C4BPA: variants seen among roughly 807,000 people sequenced by gnomAD.
C4BPA encodes C4b-binding protein alpha chain.
Under a neutral mutation model 63.7 loss-of-function variants are expected in C4BPA, and 31 were observed. The ratio of observed to expected loss-of-function variants is 0.49; its 90% CI spans 0.37 to 0.66. The LOEUF is 0.66. Ranked by LOEUF, C4BPA falls within the 30% of genes least tolerant of loss-of-function variation. The pLI, the probability that C4BPA is intolerant of heterozygous loss-of-function variation, is 0.00. For synonymous variants in C4BPA, 259 were observed against 254.7 expected (o/e 1.02, Z -0.16); for missense variants, 572 against 723.3 (o/e 0.79, Z 2.40).
At chr1:207,124,053 A>T (rs1226479883) in intron 5 of C4BPA, 46 bp downstream of exon 5, 1 of 1,502,804 alleles carries the variant, frequency 6.7e-7, no homozygotes, top group East Asian at 2.3e-5. Context: ...AAACTCTGTT[A>T]GGTAATAAAG....
intron 1 of C4BPA, among the ~76,000 whole-genome samples, chr1:207,111,239 G>C (rs915635044): frequency 1.7e-4 from 26 of 152,326 alleles, no homozygotes; most frequent in Admixed American, 1.4e-3. Flanking sequence ...AAACTGAGTA[G>C]AAAGGGGAAG....
chr1:207,144,690 A>G lies in C4BPA; in HGVS notation c.1767A>G (p.Arg589=). 1 of 1,608,818 alleles carries G rather than the reference A, an allele frequency of 6.2e-7. No homozygotes were observed. The highest frequency in any genetic ancestry group is 8.5e-7 in the Non-Finnish European group (1 of 1,178,188). Residue 589 remains arginine (R), a synonymous_variant, in exon 12 of 12, where the codon AGA becomes AGG. Transcript: ENST00000367070. ...EQLELQRDSA[R]QSTLDKEL ...TGGAACTACAGAGAGACAGCGCAAG[A>G]CAATCCACTTTGGATAAAGAACTAT...
At chr1:207,131,291 A>C (rs1685153063) in intron 7 of C4BPA, among the ~76,000 whole-genome samples, 1 of 152,240 alleles carries the variant, frequency 6.6e-6, no homozygotes, top group Non-Finnish European at 1.5e-5. Context: ...GAGGAATGAG[A>C]ATTAAAATTA....
In C4BPA at chr1:207,144,796, A is replaced by G. The variant is rs1685497997; in HGVS notation, c.*79A>G. Reference sequence around the variant, plus strand: ...CAATACAGATCAGTTTAGCAAATCTACTGTCAATTTGGCAGTGATATTCAT... The same window carrying G: ...CAATACAGATCAGTTTAGCAAATCTGCTGTCAATTTGGCAGTGATATTCAT... On this transcript the variant is annotated 3_prime_UTR_variant, in exon 12 of 12. Coordinates refer to ENST00000367070, the MANE Select transcript of C4BPA (RefSeq NM_000715.4). The G allele has an allele frequency of 2.3e-6, 2 of 866,936 alleles. No homozygotes were observed. Among genetic ancestry groups the G allele is most frequent in the Admixed American group, 6.9e-5 (2 of 29,140 alleles). The allele number at this position is 866,936 out of a possible 1,614,324, so 53.7% of individuals were successfully genotyped here.
At chr1:207,142,906 A>G (rs1572802527) in intron 10 of C4BPA, among the ~76,000 whole-genome samples, 1 of 152,062 alleles carries the variant, frequency 6.6e-6, no homozygotes, top group African/African-American at 2.4e-5. Flanking sequence ...AATTAGTTCA[A>G]CCATTGTGGA....
intron 1 of C4BPA, among the ~76,000 whole-genome samples, chr1:207,108,791 C>T (rs1043769800): frequency 3.3e-5 from 5 of 152,086 alleles, no homozygotes; most frequent in Admixed American, 2.0e-4. Flanking sequence ...GGTGTGATCT[C>T]GGATCACTGT....
At position 207,131,712 on chromosome 1, in the gene C4BPA, G is replaced by C. The variant is rs1375152023; in HGVS notation, c.1056G>C (p.Leu352Phe). The C allele has an allele frequency of 1.9e-6, 3 of 1,613,362 alleles. No homozygotes were observed. The highest frequency in any genetic ancestry group is 2.5e-6 in the Non-Finnish European group (3 of 1,179,770). Residue 352 changes from leucine to phenylalanine, a missense_variant, in exon 8 of 12, where the codon TTG becomes TTC. Leu to Phe is a conservative substitution (Grantham distance 22). Around this residue, in one of 2 missense-constraint regions of C4BPA, gnomAD observed 465 missense variants for 629.4 expected, o/e 0.74. Coordinates refer to ENST00000367070, the MANE Select transcript of C4BPA (RefSeq NM_000715.4). Reference sequence around the variant, plus strand: ...CGACTGTGATTTGTCAGAAAAATTTGAGATGGACCCCATACCAAGGATGTG... The same window carrying C: ...CGACTGTGATTTGTCAGAAAAATTTCAGATGGACCCCATACCAAGGATGTG... ...EPTTVICQKN[L>F]RWTPYQGCEA...
chr1:207,112,350 GTT>G (rs61668698), intron 1 of C4BPA, among the ~76,000 whole-genome samples: 10,825 of 113,914 alleles, frequency 0.095, 347 homozygotes, highest in African/African-American at 0.17. Context: ...CTGCCTTTTT[GTT>G]TTTTTTTTTT....
At position 207,131,577 on chromosome 1, in the gene C4BPA, T is replaced by C. The variant is rs1685160733; in HGVS notation, c.921T>C (p.His307=). 1 of 1,612,258 alleles carries C rather than the reference T, an allele frequency of 6.2e-7. No individual in the cohort carries two copies. The highest frequency in any genetic ancestry group is 1.3e-5 in the African/African-American group (1 of 74,946). ...NSCINLPDIP[H]ASWETYPRPT... is the part of the protein sequence containing the mutation. ...GTATTAATTTACCAGACATTCCACA[T>C]GCTTCCTGGGAAACATATCCTAGGC... is the stretch of plus-strand genomic sequence containing the variant. The change falls in exon 8 of 12, where the codon CAT becomes CAC. Residue 307 remains histidine, a synonymous_variant. Transcript: ENST00000367070.
At chr1:207,106,730 T>A (rs1048331536) in intron 1 of C4BPA, among the ~76,000 whole-genome samples, 3 of 152,174 alleles carry the variant, frequency 2.0e-5, no homozygotes, top group Admixed American at 6.5e-5. Flanking sequence ...CGTGAGCCAC[T>A]GCACCCGGCC....
In C4BPA at chr1:207,126,698, C is replaced by T; in HGVS notation, c.707-15C>T. ...ATCTTTTAAAATCCACTTGTCTTTTCTCATGATTCTTTAGAAATCACCTGT... is the reference window on the plus strand; with the variant it reads ...ATCTTTTAAAATCCACTTGTCTTTTTTCATGATTCTTTAGAAATCACCTGT... On this transcript the variant is annotated splice_polypyrimidine_tract_variant and intron_variant, in intron 6 of 11. Transcript: ENST00000367070. The T allele has an allele frequency of 6.3e-7, 1 of 1,597,214 alleles. No homozygotes were observed. Among genetic ancestry groups the T allele is most frequent in the Non-Finnish European group, 8.6e-7 (1 of 1,168,312 alleles).
intron 2 of C4BPA, among the ~76,000 whole-genome samples, chr1:207,113,501 AG>A (rs1334842065): frequency 6.6e-6 from 1 of 152,336 alleles, no homozygotes; most frequent in Middle Eastern, 3.4e-3. Flanking sequence ...GTGCTTAAAA[AG>A]TAAATCAGCC....
chr1:207,114,180 A>T lies in C4BPA; in HGVS notation c.223A>T (p.Thr75Ser), dbSNP rs1380579281. The T allele has an allele frequency of 1.9e-6, 3 of 1,613,814 alleles. No individual in the cohort carries two copies. In the South Asian group the frequency reaches 3.3e-5, roughly 18 times the overall value. Residue 75 changes from threonine to serine, a missense_variant, in exon 3 of 12, where the codon ACT (threonine) becomes TCT (serine). Thr to Ser is a moderately conservative substitution (Grantham distance 58). This residue lies in a region of C4BPA where 107 missense variants were observed against 93.9 expected (regional missense o/e 1.14). Coordinates refer to ENST00000367070, the MANE Select transcript of C4BPA (RefSeq NM_000715.4). ...GACTGAGACACGCTTCAAAACTGGA[A>T]CTACTCTGAAATACACCTGCCTCCC... ...TLTETRFKTGTTLKYTCLPGY... is the reference protein window; with the variant it reads ...TLTETRFKTGSTLKYTCLPGY...
chr1:207,140,633 C>T (rs1685394659), intron 9 of C4BPA, among the ~76,000 whole-genome samples: 1 of 152,012 alleles, frequency 6.6e-6, no homozygotes, highest in African/African-American at 2.4e-5. Context: ...ATCCAATGAG[C>T]TCTTTTCTAT....
intron 1 of C4BPA, among the ~76,000 whole-genome samples, chr1:207,111,527 TTACTC>T (rs746498049): frequency 3.9e-5 from 6 of 152,114 alleles, no homozygotes; most frequent in Non-Finnish European, 5.9e-5. Context: ...ATGTGAGTCT[TTACTC>T]AATGAAGAAA....
At position 207,115,479 on chromosome 1, in the gene C4BPA, C is replaced by T. The variant is rs1260474654; in HGVS notation, c.392C>T (p.Ser131Phe). ...CAAGTAGAGATTAAGACAGATTTAT[C>T]TTTTGGATCACAAATAGAATTCAGC... ...NGQVEIKTDL[S>F]FGSQIEFSCS... Residue 131 changes from serine (S) to phenylalanine (F), a missense_variant, in exon 4 of 12, where the codon TCT (serine) becomes TTT (phenylalanine). Transcript: ENST00000367070. 7.5e-6 allele frequency: 12 copies of T among 1,596,180 alleles called. No individual in the cohort carries two copies. Among genetic ancestry groups the T allele is most frequent in the Non-Finnish European group, 1.0e-5 (12 of 1,173,318 alleles).
chr1:207,129,407 T>C (rs1685114729), intron 7 of C4BPA, among the ~76,000 whole-genome samples: 1 of 45,998 alleles, frequency 2.2e-5, no homozygotes, highest in Non-Finnish European at 4.1e-5. Context: ...TATCACAAAT[T>C]TGACCAAAAA....
At chr1:207,131,940 A>G (rs1304223463) in intron 8 of C4BPA, among the ~76,000 whole-genome samples, 200 bp downstream of exon 8, 2 of 152,196 alleles carry the variant, frequency 1.3e-5, no homozygotes, top group Non-Finnish European at 2.9e-5. Context: ...ACCTTTCCTT[A>G]TCCCAGTTCA....
chr1:207,139,266 C>T (rs1685358568), intron 9 of C4BPA, among the ~76,000 whole-genome samples: 1 of 152,148 alleles, frequency 6.6e-6, no homozygotes. Flanking sequence ...AATGTGGTGT[C>T]TTTTTTTCAG....
Sources: gnomAD v4.1 joint callset for allele counts (sites outside exome capture counted in the v4.1 genomes callset) on GRCh38, gnomAD v4.1.1 for gene constraint, gnomAD v4.1.1 regional missense constraint, MANE v1.5 for transcripts, NCBI Gene and HGNC (gene_info 2026-07-23, HGNC 2026-07-21) for gene names.